SEC24D: variants seen among roughly 807,000 people sequenced by gnomAD.
SEC24D encodes the protein SEC24 homolog D, COPII component, also known as protein transport protein Sec24D.
SEC24D carries 69 observed loss-of-function variants against 116.9 expected under a neutral mutation model. That is an observed-to-expected ratio of 0.59 (90% CI 0.49 to 0.72). The LOEUF is 0.72. Among genes scored for constraint, SEC24D ranks in the 30% least tolerant of loss-of-function variants. The pLI, the probability that SEC24D is intolerant of heterozygous loss-of-function variation, is 0.00. For synonymous variants in SEC24D, 405 were observed against 442.8 expected (o/e 0.91, Z 1.07); for missense variants, 1,131 against 1,264.1 (o/e 0.89, Z 1.60).
intron 8 of SEC24D, among the ~76,000 whole-genome samples, chr4:118,793,150 T>C (rs928330027): frequency 1.3e-5 from 2 of 152,032 alleles, no homozygotes; most frequent in South Asian, 2.1e-4. Context: ...GACGGTGTCA[T>C]GGAAGCCAAA....
intron 10 of SEC24D, among the ~76,000 whole-genome samples, chr4:118,761,441 G>A (rs1379091853): frequency 6.6e-6 from 1 of 152,166 alleles, no homozygotes; most frequent in African/African-American, 2.4e-5. Context: ...ATACAATGCT[G>A]GACCCAGGGG....
At chr4:118,795,327 G>C (rs1257665972) in intron 8 of SEC24D, among the ~76,000 whole-genome samples, 1 of 151,188 alleles carries the variant, frequency 6.6e-6, no homozygotes, top group Non-Finnish European at 1.5e-5. Context: ...TCCTGCCTCA[G>C]CCTCCCGAGT....
chr4:118,792,368 G>C (rs943483966), intron 8 of SEC24D, among the ~76,000 whole-genome samples: 7 of 151,824 alleles, frequency 4.6e-5, no homozygotes, highest in Non-Finnish European at 1.0e-4. Flanking sequence ...CCCTCTGCCC[G>C]GCCGCCACCC....
At chr4:118,787,712 G>A (rs1014874646) in intron 8 of SEC24D, among the ~76,000 whole-genome samples, 1 of 152,178 alleles carries the variant, frequency 6.6e-6, no homozygotes, top group Admixed American at 6.5e-5. Flanking sequence ...GGTGGCTGAG[G>A]TGTGAGAATC....
At position 118,723,264 on chromosome 4, in the gene SEC24D, C is replaced by T; in HGVS notation, c.*251G>A. On this transcript the variant is annotated 3_prime_UTR_variant, in exon 23 of 23. Coordinates refer to ENST00000280551, the MANE Select transcript of SEC24D (RefSeq NM_014822.4). The stretch of plus-strand genomic sequence containing the variant: ...TGTAAACTTTGCCTTTTATGAAATG[C>T]AAACCACATCAGTTTTAAAAATTAG... 1 of 337,752 alleles carries T rather than the reference C, an allele frequency of 3.0e-6. No individual in the cohort carries two copies. Among genetic ancestry groups the T allele is most frequent in the Non-Finnish European group, 5.3e-6 (1 of 188,066 alleles). 20.9% of individuals were successfully genotyped at this position (337,752 alleles called of 1,614,324 possible).
At chr4:118,800,371 G>C (rs1729380733) in intron 7 of SEC24D, among the ~76,000 whole-genome samples, 1 of 152,178 alleles carries the variant, frequency 6.6e-6, no homozygotes, top group Non-Finnish European at 1.5e-5. Flanking sequence ...TTGCTGCACA[G>C]ATGCAGACCT....
rs180742671 is a variant in SEC24D at position 118,832,381 on chromosome 4, G to A, written c.118+1198C>T. On this transcript the variant is annotated intron_variant, in intron 2 of 22. Transcript: ENST00000280551. ...GAGAAATAGGACACTGATAGTCCTG[G>A]TGAGGGAAGTGAAAGTGTGGATGGG... Among the ~76,000 whole-genome samples the A allele has an allele frequency of 2.2e-4, 33 of 152,330 alleles. No individual in the cohort carries two copies. In the East Asian group the frequency reaches 5.8e-3, roughly 27 times the overall value.
chr4:118,805,126 T>C (rs1170761174), intron 7 of SEC24D, among the ~76,000 whole-genome samples: 1 of 152,090 alleles, frequency 6.6e-6, no homozygotes. Flanking sequence ...ACCCACTCTA[T>C]AAGGTTAGCT....
chr4:118,748,320 C>G (rs915026327), intron 13 of SEC24D, among the ~76,000 whole-genome samples: 1 of 151,648 alleles, frequency 6.6e-6, no homozygotes, highest in Non-Finnish European at 1.5e-5. Flanking sequence ...AAAATCAGGG[C>G]CCACTAGGAA....
chr4:118,824,679 A>T lies in SEC24D; in HGVS notation c.189T>A (p.Pro63=), dbSNP rs1730524639. 3.1e-6 allele frequency: 5 copies of T among 1,609,306 alleles called. No individual in the cohort carries two copies. The East Asian group carries it at 6.7e-5, about 22-fold the overall frequency. ...TRGMLPPGPP[P]PGPHQFGQNG... is the part of the protein sequence containing the mutation. ...TCTGACCAAACTGATGGGGTCCAGG[A>T]GGTGGGGGACCCGGAGGCAACATTC... Residue 63 remains proline (P), a synonymous_variant, in exon 3 of 23, where the codon CCT becomes CCA. Transcript: ENST00000280551.
intron 4 of SEC24D, 78 bp from the exon 5 acceptor site, chr4:118,815,804 ATGTT>A: frequency 6.7e-7 from 1 of 1,488,386 alleles, no homozygotes; most frequent in South Asian, 1.2e-5. Context: ...CATGACAGAG[ATGTT>A]TGTTTTCCTG....
chr4:118,741,799 T>G (rs538596247), intron 15 of SEC24D, among the ~76,000 whole-genome samples: 1 of 152,338 alleles, frequency 6.6e-6, no homozygotes, highest in East Asian at 1.9e-4. Context: ...TCCCTTTAGT[T>G]GCTTACATAC....
intron 13 of SEC24D, among the ~76,000 whole-genome samples, chr4:118,748,065 A>G (rs1435574628): frequency 6.6e-6 from 1 of 152,204 alleles, no homozygotes; most frequent in Non-Finnish European, 1.5e-5. Flanking sequence ...GGAGATCAAG[A>G]TCATCCTGCC....
intron 21 of SEC24D, chr4:118,730,036 G>A (rs1725604021): frequency 6.6e-6 from 1 of 152,182 alleles, no homozygotes; most frequent in African/African-American, 2.4e-5. Flanking sequence ...GTTGATGAAA[G>A]TCAAGGAAAT....
intron 7 of SEC24D, among the ~76,000 whole-genome samples, chr4:118,798,317 T>C (rs1729271843): frequency 6.6e-6 from 1 of 152,208 alleles, no homozygotes; most frequent in Non-Finnish European, 1.5e-5. Context: ...AATTTGGAAA[T>C]TGAATTTCAA....
At chr4:118,833,485 A>G in intron 2 of SEC24D, 94 bp downstream of exon 2, 1 of 838,498 alleles carries the variant, frequency 1.2e-6, no homozygotes, top group Non-Finnish European at 1.9e-6. Context: ...TATAATGATC[A>G]TTCAATGCTT....
intron 1 of SEC24D, 142 bp downstream of exon 1, chr4:118,835,796 AAAG>A (rs1731071540): frequency 6.6e-6 from 1 of 152,398 alleles, no homozygotes; most frequent in South Asian, 2.1e-4. Context: ...GCTAAAGAAC[AAAG>A]AATGAGTTCT....
intron 20 of SEC24D, among the ~76,000 whole-genome samples, chr4:118,732,257 C>G (rs1725730801): frequency 6.6e-6 from 1 of 152,106 alleles, no homozygotes; most frequent in African/African-American, 2.4e-5. Context: ...GCCTCAGCCC[C>G]CCACGAGTAG....
intron 7 of SEC24D, among the ~76,000 whole-genome samples, chr4:118,798,923 G>A (rs950221444): frequency 3.3e-5 from 5 of 152,238 alleles, no homozygotes; most frequent in Non-Finnish European, 5.9e-5. Flanking sequence ...GGAGTTCAGC[G>A]AAGCAACAGG....
Sources: allele counts gnomAD v4.1 joint callset (sites outside exome capture counted in the v4.1 genomes callset), GRCh38; gene constraint gnomAD v4.1.1; transcripts MANE v1.5; gene names NCBI Gene and HGNC (gene_info 2026-07-23, HGNC 2026-07-21).